The following CDON variants were observed in gnomAD, a reference collection of about 807,000 sequenced individuals.
CDON encodes cell adhesion molecule-related/down-regulated by oncogenes.
CDON carries 73 observed loss-of-function variants against 120.9 expected under a neutral mutation model. The ratio of observed to expected loss-of-function variants is 0.60; its 90% CI spans 0.50 to 0.73. CDON has a LOEUF of 0.73. Ranked by LOEUF, CDON falls within the 30% of genes least tolerant of loss-of-function variation. The pLI, the probability that CDON is intolerant of heterozygous loss-of-function variation, is 0.00. For missense variants in CDON, 1,470 were observed against 1,587.3 expected (o/e 0.93, Z 1.26); for synonymous variants, 566 against 573.5 (o/e 0.99, Z 0.19).
At position 125,971,193 on chromosome 11, in the gene CDON, C is replaced by T. The variant is rs146510573; in HGVS notation, c.3356+7111G>A. Among the ~76,000 whole-genome samples, 843 of 152,156 alleles carry T rather than the reference C, an allele frequency of 5.5e-3. 11 individuals are homozygous for T. Among genetic ancestry groups the T allele is most frequent in the African/African-American group, 0.02 (810 of 41,502 alleles). On this transcript the variant is annotated intron_variant, in intron 18 of 19. Coordinates refer to ENST00000531738, the MANE Select transcript of CDON (RefSeq NM_001378964.1). ...GGTCAGGAGACCAAGACCATCCTGGCTAACACAGTGAAACCCCATCTCTAC... is the reference window on the plus strand; with the variant it reads ...GGTCAGGAGACCAAGACCATCCTGGTTAACACAGTGAAACCCCATCTCTAC...
intron 1 of CDON, among the ~76,000 whole-genome samples, chr11:126,041,705 G>A (rs1948267398): frequency 6.6e-6 from 1 of 152,168 alleles, no homozygotes; most frequent in African/African-American, 2.4e-5. Context: ...AAAACCATCA[G>A]GTCAATCTAT....
In CDON at chr11:126,023,929, A is replaced by T. The variant is rs529635345; in HGVS notation, c.-61-392T>A. ...ACAAAATAATGGCTAACATTTACGGAGTGCTTACTATGTGCCAGACACCAT... is the reference window on the plus strand; with the variant it reads ...ACAAAATAATGGCTAACATTTACGGTGTGCTTACTATGTGCCAGACACCAT... On this transcript the variant is annotated intron_variant, in intron 1 of 19. Coordinates refer to ENST00000531738, the MANE Select transcript of CDON (RefSeq NM_001378964.1). 1.0e-3 allele frequency among the ~76,000 whole-genome samples: 159 copies of T among 152,366 alleles called. 3 individuals are homozygous for T. Among genetic ancestry groups the T allele is most frequent in the Middle Eastern group, 3.4e-3 (1 of 294 alleles).
At chr11:126,027,085 C>T (rs981859630) in intron 1 of CDON, among the ~76,000 whole-genome samples, 6 of 152,164 alleles carry the variant, frequency 3.9e-5, no homozygotes, top group Non-Finnish European at 4.4e-5. Flanking sequence ...TTACTCTCTA[C>T]GTGCTCTCAG....
At chr11:126,049,878 CAAAT>C (rs893761746) in intron 1 of CDON, among the ~76,000 whole-genome samples, 1 of 152,156 alleles carries the variant, frequency 6.6e-6, no homozygotes, top group African/African-American at 2.4e-5. Context: ...AACCAAGACA[CAAAT>C]AACGAACTAA....
rs112706148 is a variant in CDON, at chr11:126,003,727, G to A, written c.2026+175C>T. Among the ~76,000 whole-genome samples the A allele has an allele frequency of 0.24, 37,148 of 152,150 alleles. 4,739 individuals are homozygous for A. Among genetic ancestry groups the A allele is most frequent in the South Asian group, 0.32 (1,528 of 4,806 alleles). Reference sequence around the variant, plus strand: ...CACAGCTACTCGGGAGGCTGAGGCCGGAGAACTGCTTGAACCGGGGAGGCG... The same window carrying A: ...CACAGCTACTCGGGAGGCTGAGGCCAGAGAACTGCTTGAACCGGGGAGGCG... On this transcript the variant is annotated intron_variant, in intron 10 of 19. Coordinates refer to ENST00000531738, the MANE Select transcript of CDON (RefSeq NM_001378964.1).
At chr11:126,041,783 T>C (rs941283829) in intron 1 of CDON, among the ~76,000 whole-genome samples, 1 of 152,232 alleles carries the variant, frequency 6.6e-6, no homozygotes, top group Non-Finnish European at 1.5e-5. Context: ...AATACACTTT[T>C]TAAACAGTCT....
Position 125,997,282 on chromosome 11 carries a change from T to C in CDON, c.2287A>G (p.Thr763Ala). The C allele has an allele frequency of 6.2e-7, 1 of 1,614,122 alleles. No homozygotes were observed. The highest frequency in any genetic ancestry group is 8.5e-7 in the Non-Finnish European group (1 of 1,180,012). ...TCAGCTGCCACCAGCCAATTGCTGG[T>C]CCTCATCCGTTTATATTCGACTTTG... ...AFKVEYKRMRTSNWLVAAEDI... is the reference protein window; with the variant it reads ...AFKVEYKRMRASNWLVAAEDI... Residue 763 changes from threonine (T) to alanine (A), a missense_variant, in exon 12 of 20, where the codon ACC (threonine) becomes GCC (alanine). Transcript: ENST00000531738.
chr11:126,021,056 T>C (rs530160985), intron 3 of CDON, among the ~76,000 whole-genome samples, 192 bp downstream of exon 3: 9 of 151,972 alleles, frequency 5.9e-5, no homozygotes, highest in African/African-American at 2.2e-4. Flanking sequence ...TTGTTACTGA[T>C]GAGGGCATGA....
At chr11:126,026,120 T>C (rs1428295238) in intron 1 of CDON, among the ~76,000 whole-genome samples, 3 of 152,248 alleles carry the variant, frequency 2.0e-5, no homozygotes, top group Non-Finnish European at 2.9e-5. Flanking sequence ...AGGAATACAA[T>C]AGAATGCAAT....
chr11:126,030,674 A>C (rs1947919747), intron 1 of CDON, among the ~76,000 whole-genome samples: 1 of 152,222 alleles, frequency 6.6e-6, no homozygotes, highest in Admixed American at 6.5e-5. Flanking sequence ...TTATTTTCAG[A>C]ACTACAAAGA....
At chr11:126,030,556 G>A (rs987613087) in intron 1 of CDON, among the ~76,000 whole-genome samples, 2 of 152,128 alleles carry the variant, frequency 1.3e-5, no homozygotes, top group Admixed American at 6.5e-5. Context: ...TTTTTAAAAA[G>A]AATCTTATTC....
At chr11:125,989,612 C>T (rs1350953123) in intron 15 of CDON, 25 bp downstream of exon 15, 1 of 1,608,204 alleles carries the variant, frequency 6.2e-7, no homozygotes, top group South Asian at 1.1e-5. Context: ...TATCACTGTC[C>T]AGGGAAAAGC....
intron 1 of CDON, among the ~76,000 whole-genome samples, chr11:126,047,545 GAAC>G (rs1016759934): frequency 6.6e-5 from 10 of 152,246 alleles, no homozygotes; most frequent in South Asian, 2.1e-4. Context: ...ATCTCAAACA[GAAC>G]AACAGAACAG....
intron 14 of CDON, among the ~76,000 whole-genome samples, chr11:125,993,657 G>T (rs1277952025): frequency 6.6e-6 from 1 of 152,158 alleles, no homozygotes; most frequent in Non-Finnish European, 1.5e-5. Flanking sequence ...AGGTCCTGAG[G>T]CAAAAACGTC....
intron 18 of CDON, among the ~76,000 whole-genome samples, chr11:125,967,483 T>C (rs968337917): frequency 3.9e-5 from 6 of 152,218 alleles, no homozygotes; most frequent in African/African-American, 1.4e-4. Context: ...TTCAATCTCC[T>C]GGAGCAAACG....
intron 1 of CDON, among the ~76,000 whole-genome samples, chr11:126,027,337 G>C (rs1463439103): frequency 1.3e-5 from 2 of 152,136 alleles, no homozygotes; most frequent in Non-Finnish European, 2.9e-5. Flanking sequence ...ACAAAGTTTA[G>C]ATACGCAGAA....
Position 125,983,909 on chromosome 11 carries a change from C to G in CDON, c.2958G>C (p.Met986Ile). 6.2e-7 allele frequency: 1 copy of G among 1,614,066 alleles called. No individual in the cohort carries two copies. Among genetic ancestry groups the G allele is most frequent in the Non-Finnish European group, 8.5e-7 (1 of 1,179,996 alleles). The change falls in exon 16 of 20, where the codon ATG becomes ATC. Residue 986 changes from methionine (M) to isoleucine (I), a missense_variant. Coordinates refer to ENST00000531738, the MANE Select transcript of CDON (RefSeq NM_001378964.1). ...TCTGCTGGCGATTCTTCCACAGGCACATTGCAATGAAAACCATCAGAATGA... is the reference window on the plus strand; with the variant it reads ...TCTGCTGGCGATTCTTCCACAGGCAGATTGCAATGAAAACCATCAGAATGA... The part of the protein sequence containing the change: ...MVLILMVFIA[M>I]CLWKNRQQNT...
intron 1 of CDON, among the ~76,000 whole-genome samples, chr11:126,048,478 C>T (rs529144051): frequency 6.6e-6 from 1 of 152,074 alleles, no homozygotes; most frequent in African/African-American, 2.4e-5. Context: ...TATGCTATTA[C>T]AATCATCCAA....
In CDON at chr11:125,979,485, A is replaced by C. The variant is rs536460408; in HGVS notation, c.3277-1102T>G. ...TTCTCTGAATCCCTCAACACGTTGAAGTTAGTGCAATGATTTTTAGGGTCA... is the reference window on the plus strand; with the variant it reads ...TTCTCTGAATCCCTCAACACGTTGACGTTAGTGCAATGATTTTTAGGGTCA... On this transcript the variant is annotated intron_variant, in intron 17 of 19. Transcript: ENST00000531738. 1.3e-4 allele frequency among the ~76,000 whole-genome samples: 20 copies of C among 152,332 alleles called. No individual in the cohort carries two copies. The East Asian group carries it at 2.3e-3, about 18-fold the overall frequency.
Sources: allele counts gnomAD v4.1 joint callset (sites outside exome capture counted in the v4.1 genomes callset), GRCh38; gene constraint gnomAD v4.1.1; transcripts MANE v1.5; gene names NCBI Gene and HGNC (gene_info 2026-07-23, HGNC 2026-07-21).